Variants in DISP3 observed in about 807,000 individuals in gnomAD.
The protein encoded by DISP3 is dispatched RND transporter family member 3.
In DISP3, 101 loss-of-function variants were observed where a neutral mutation model predicts 135.3. That is an observed-to-expected ratio of 0.75 (90% CI 0.64 to 0.88). The LOEUF (loss-of-function observed/expected upper bound fraction) is 0.88, where lower values mean the gene tolerates loss of function less well. DISP3 is among the 40% of genes least tolerant of loss of function. The probability of loss-of-function intolerance (pLI) is 0.00; values close to 1 mark genes in which losing one functional copy is unlikely to be tolerated. For synonymous variants in DISP3, 856 were observed against 817.0 expected, an observed-to-expected ratio of 1.05 and a Z score of -0.81; for missense variants, 1,713 against 1,878.6, an observed-to-expected ratio of 0.91 and a Z score of 1.63.
rs1240610108 is a variant in DISP3, at chr1:11,534,553, C to T, written c.3535+13C>T. 1.3e-6 allele frequency: 2 copies of T among 1,592,964 alleles called. No homozygotes were observed. The highest frequency in any genetic ancestry group is 2.3e-5 in the South Asian group (2 of 86,706). The stretch of plus-strand genomic sequence containing the variant: ...ATGGAAATCGTAGGCAAGCGGCAGC[C>T]TCGCCCCTCCATCCTGGGTGGGCAG... On this transcript the variant is annotated intron_variant, in intron 18 of 20. Coordinates refer to ENST00000294484, the MANE Select transcript of DISP3 (RefSeq NM_020780.2).
At chr1:11,496,834 A>G (rs948828758) in intron 1 of DISP3, among the ~76,000 whole-genome samples, 33 of 152,140 alleles carry the variant, frequency 2.2e-4, no homozygotes, top group African/African-American at 8.0e-4. Flanking sequence ...GCACAGCTGG[A>G]AGGACCTGGG....
Position 11,514,492 on chromosome 1 carries a change from T to G in DISP3, c.1419T>G (p.Ile473Met). ...TGGCCTTCATCAGCAGCAGCTGCAT[T>G]GCTGCCCTGGTCTACATCCTCACCT... ...MLLAFISSSC[I>M]AALVYILTSC... The change falls in exon 4 of 21, where the codon ATT (isoleucine) becomes ATG (methionine). Residue 473 changes from isoleucine to methionine, a missense_variant. Around this residue, in one of 2 missense-constraint regions of DISP3, gnomAD observed 1,142 missense variants for 1,384.6 expected, o/e 0.82. Coordinates refer to ENST00000294484, the MANE Select transcript of DISP3 (RefSeq NM_020780.2). 6 of 1,614,172 alleles carry G rather than the reference T, an allele frequency of 3.7e-6. No individual in the cohort carries two copies. Among genetic ancestry groups the G allele is most frequent in the Non-Finnish European group, 5.1e-6 (6 of 1,180,002 alleles).
In DISP3 at chr1:11,501,938, T is replaced by C; in HGVS notation, c.946T>C (p.Trp316Arg). 6.2e-7 allele frequency: 1 copy of C among 1,613,776 alleles called. No individual in the cohort carries two copies. Among genetic ancestry groups the C allele is most frequent in the Admixed American group, 1.7e-5 (1 of 60,022 alleles). ...MDHPGFREFC[W>R]KPHEVLKDLP... Reference sequence around the variant, plus strand: ...CCACCCAGGCTTCCGGGAGTTCTGCTGGAAGCCCCACGAGGTGCTCAAGGA... The same window carrying C: ...CCACCCAGGCTTCCGGGAGTTCTGCCGGAAGCCCCACGAGGTGCTCAAGGA... Residue 316 changes from tryptophan to arginine, a missense_variant, in exon 2 of 21, where the codon TGG (tryptophan) becomes CGG (arginine). Trp to Arg is a moderately radical substitution (Grantham distance 101). Transcript: ENST00000294484. This position sits in a 1 kb window ranked among gnomAD's most constrained non-coding sequence, Gnocchi z 4.9.
chr1:11,502,627 G>T, intron 2 of DISP3, 51 bp from the exon 3 acceptor site: 1 of 1,447,584 alleles, frequency 6.9e-7, no homozygotes, highest in Non-Finnish European at 9.6e-7. Context: ...AGGGAGGGTT[G>T]GTGGGAGCTG....
At chr1:11,514,563 C>T (rs1440746365) in intron 4 of DISP3, 37 bp downstream of exon 4, 2 of 1,601,972 alleles carry the variant, frequency 1.2e-6, no homozygotes, top group Non-Finnish European at 1.7e-6. Context: ...TCCTCCCCTC[C>T]CAGGGTGCTC....
chr1:11,520,967 C>A lies in DISP3; in HGVS notation c.2362+119C>A. ...AATGCCAGACCTCAGGCAAATCCCACTCCCCTCTGAGCCCCCATGTTCCCA... is the reference window on the plus strand; with the variant it reads ...AATGCCAGACCTCAGGCAAATCCCAATCCCCTCTGAGCCCCCATGTTCCCA... On this transcript the variant is annotated intron_variant, in intron 10 of 20. Transcript: ENST00000294484. This position sits in a 1 kb window ranked among gnomAD's most constrained non-coding sequence, Gnocchi z 4.8. 8.2e-7 allele frequency: 1 copy of A among 1,216,414 alleles called. No homozygotes were observed. Among genetic ancestry groups the A allele is most frequent in the Non-Finnish European group, 1.1e-6 (1 of 893,194 alleles). 75.4% of individuals were successfully genotyped at this position (1,216,414 alleles called of 1,614,324 possible).
chr1:11,479,340 GCGGCTCAGCCTAGCCCCGTTCGGCCGGC>G lies in DISP3; in HGVS notation c.-33_-6del. 6.5e-6 allele frequency: 1 copy of G among 154,312 alleles called. No homozygotes were observed. The highest frequency in any genetic ancestry group is 1.9e-4 in the East Asian group (1 of 5,158). The allele number at this position is 154,312 out of a possible 1,614,324, so 9.6% of individuals were successfully genotyped here. ...CCTCTGCGCACTCTCTCCCGCGCCG[GCGGCTCAGCCTAGCCCCGTTCGGCCGGC>G]CGAGGTGAGTGCACGGCCGCGGGGC... On this transcript the variant is annotated 5_prime_UTR_variant, in exon 1 of 21. Coordinates refer to ENST00000294484, the MANE Select transcript of DISP3 (RefSeq NM_020780.2).
At chr1:11,500,809 CTG>C in intron 1 of DISP3, among the ~76,000 whole-genome samples, 179 bp from the exon 2 acceptor site, 1 of 152,254 alleles carries the variant, frequency 6.6e-6, no homozygotes, top group South Asian at 2.1e-4. Flanking sequence ...GGAATTTTCT[CTG>C]TATTTTTTAC....
chr1:11,534,326 G>T, intron 17 of DISP3, 55 bp from the exon 18 acceptor site: 2 of 1,598,014 alleles, frequency 1.3e-6, no homozygotes, highest in Non-Finnish European at 8.6e-7. Context: ...TGCCTGGGAA[G>T]GGCGGGTGGG....
rs188019151 is a variant in DISP3, at chr1:11,491,512, G to A, written c.-3-9478G>A. ...TGTAGTCTCAGCTACTTGGGAGGCT[G>A]AGCGGGGAGGACCACTCGAGCCCGG... On this transcript the variant is annotated intron_variant, in intron 1 of 20. Transcript: ENST00000294484. The surrounding 1 kb of genome is among the most constrained non-coding windows in gnomAD (Gnocchi z 4.3). Among the ~76,000 whole-genome samples, 1 of 152,280 alleles carries A rather than the reference G, an allele frequency of 6.6e-6. No homozygotes were observed. The highest frequency in any genetic ancestry group is 1.9e-4 in the East Asian group (1 of 5,178).
chr1:11,525,687 C>T (rs997463244), intron 12 of DISP3, among the ~76,000 whole-genome samples: 2 of 152,264 alleles, frequency 1.3e-5, no homozygotes, highest in African/African-American at 4.8e-5. Flanking sequence ...TGCAGTCCCT[C>T]CTCAGGCAGT....
chr1:11,486,834 C>T (rs752333711), intron 1 of DISP3, among the ~76,000 whole-genome samples: 33 of 152,084 alleles, frequency 2.2e-4, no homozygotes, highest in Non-Finnish European at 3.7e-4. Flanking sequence ...CGCATGACCA[C>T]GCGCCGGATA....
At chr1:11,526,899 C>G (rs950507242) in intron 13 of DISP3, 64 bp downstream of exon 13, 17 of 1,517,262 alleles carry the variant, frequency 1.1e-5, no homozygotes, top group African/African-American at 2.8e-5. Context: ...CCTTTTCTCT[C>G]TTTTCTCTCT....
At position 11,515,360 on chromosome 1, in the gene DISP3, C is replaced by T; in HGVS notation, c.1454-9C>T. On this transcript the variant is annotated splice_polypyrimidine_tract_variant and intron_variant, in intron 4 of 20. Transcript: ENST00000294484. ...CCCACCGTCTCCCTGTGTCTCTTAC[C>T]CTGCCCAGTGTTCCTGTCCTTCTTT... is the stretch of plus-strand genomic sequence containing the variant. 1 of 1,614,194 alleles carries T rather than the reference C, an allele frequency of 6.2e-7. No individual in the cohort carries two copies. Among genetic ancestry groups the T allele is most frequent in the Non-Finnish European group, 8.5e-7 (1 of 1,179,998 alleles).
At chr1:11,496,440 G>T (rs981729226) in intron 1 of DISP3, among the ~76,000 whole-genome samples, 3 of 152,078 alleles carry the variant, frequency 2.0e-5, no homozygotes, top group African/African-American at 7.2e-5. Flanking sequence ...GCCCAGAAAG[G>T]CCTGATCACA....
At chr1:11,521,284 G>A (rs1642182084) in intron 10 of DISP3, among the ~76,000 whole-genome samples, 1 of 145,418 alleles carries the variant, frequency 6.9e-6, no homozygotes, top group Non-Finnish European at 1.5e-5. Flanking sequence ...TCAACCAGGT[G>A]GGGAGGGGAA....
chr1:11,497,702 T>TA (rs956083244), intron 1 of DISP3, among the ~76,000 whole-genome samples: 8 of 152,316 alleles, frequency 5.3e-5, no homozygotes, highest in African/African-American at 1.9e-4. Flanking sequence ...GTATCATTCT[T>TA]ATGCTTTTGC....
In DISP3 at chr1:11,529,760, C is replaced by T. The variant is rs199722055; in HGVS notation, c.2930-27C>T. 2.4e-3 allele frequency: 3,792 copies of T among 1,606,342 alleles called. 4 individuals are homozygous for T. Among genetic ancestry groups the T allele is most frequent in the Non-Finnish European group, 2.7e-3 (3,154 of 1,174,420 alleles). Reference sequence around the variant, plus strand: ...GCTCAGGAGCTGGACCCTGCCTTCCCTTACAGCTGTGACTCCCTGTTCGCA... The same window carrying T: ...GCTCAGGAGCTGGACCCTGCCTTCCTTTACAGCTGTGACTCCCTGTTCGCA... On this transcript the variant is annotated intron_variant, in intron 14 of 20. Transcript: ENST00000294484. This position sits in a 1 kb window ranked among gnomAD's most constrained non-coding sequence, Gnocchi z 4.7.
Position 11,517,498 on chromosome 1 carries a change from T to C in DISP3, c.1785T>C (p.Ser595=). Residue 595 remains serine, a synonymous_variant, in exon 7 of 21, where the codon TCT becomes TCC. Coordinates refer to ENST00000294484, the MANE Select transcript of DISP3 (RefSeq NM_020780.2). ...TCCACGACTTTGGCCTGTTCATGTC[T>C]CTCATCGTGTCCTGTTGCTGGCTGG... ...PAVHDFGLFM[S]LIVSCCWLAV... The C allele has an allele frequency of 6.2e-7, 1 of 1,614,196 alleles. No homozygotes were observed. The highest frequency in any genetic ancestry group is 1.1e-5 in the South Asian group (1 of 91,080).
Sources: gnomAD v4.1 joint callset for allele counts (sites outside exome capture counted in the v4.1 genomes callset) on GRCh38, gnomAD v4.1.1 for gene constraint, gnomAD v4.1.1 regional missense constraint, Gnocchi (gnomAD v3.1) non-coding constraint, MANE v1.5 for transcripts, NCBI Gene and HGNC (gene_info 2026-07-23, HGNC 2026-07-21) for gene names.